Variants in PRC1 observed in about 807,000 individuals in gnomAD.
PRC1 encodes the protein anaphase spindle elongation 1 homolog.
In PRC1, 54 loss-of-function variants were observed where a neutral mutation model predicts 91.2. The observed-to-expected ratio is 0.59, with a 90% CI of 0.48 to 0.74. The LOEUF (loss-of-function observed/expected upper bound fraction) is 0.74, where lower values mean the gene tolerates loss of function less well. Ranked by LOEUF, PRC1 falls within the 30% of genes least tolerant of loss-of-function variation. The pLI, the probability that PRC1 is intolerant of heterozygous loss-of-function variation, is 0.00. For synonymous variants in PRC1, 275 were observed against 263.6 expected, an observed-to-expected ratio of 1.04 and a Z score of -0.42; for missense variants, 727 against 746.2, an observed-to-expected ratio of 0.97 and a Z score of 0.30.
At chr15:90,986,205 C>T (rs959155452) in intron 1 of PRC1, among the ~76,000 whole-genome samples, 13 of 152,156 alleles carry the variant, frequency 8.5e-5, no homozygotes, top group South Asian at 4.1e-4. Context: ...TGAACACATA[C>T]GTTCACCAAA....
chr15:90,983,120 A>C (rs1178519284), intron 3 of PRC1, among the ~76,000 whole-genome samples: 1 of 152,194 alleles, frequency 6.6e-6, no homozygotes, highest in African/African-American at 2.4e-5. Context: ...AAAATCAATT[A>C]TATTTATGAC....
chr15:90,986,636 A>G (rs2039593988), intron 1 of PRC1, among the ~76,000 whole-genome samples: 1 of 152,208 alleles, frequency 6.6e-6, no homozygotes, highest in Admixed American at 6.5e-5. Context: ...AAACTGTCAA[A>G]AAAGAAAATG....
chr15:90,994,341 C>G, intron 1 of PRC1, 66 bp downstream of exon 1: 1 of 1,611,090 alleles, frequency 6.2e-7, no homozygotes, highest in Non-Finnish European at 8.5e-7. Flanking sequence ...CACCCCTGAA[C>G]AGGCCCCGCA....
At chr15:90,968,775 C>G (rs2037775789) in intron 14 of PRC1, 1 of 1,199,800 alleles carries the variant, frequency 8.3e-7, no homozygotes, top group South Asian at 1.9e-5. Context: ...GGCCTCTATT[C>G]TTTCCAGCTA....
At chr15:90,987,788 CCT>C (rs901817497) in intron 1 of PRC1, 14 of 152,170 alleles carry the variant, frequency 9.2e-5, no homozygotes, top group African/African-American at 2.9e-4. Context: ...TTCATTAGCC[CCT>C]TTCTGTCTCA....
chr15:90,968,707 G>A, intron 14 of PRC1: 1 of 1,099,990 alleles, frequency 9.1e-7, no homozygotes, highest in Non-Finnish European at 1.1e-6. Flanking sequence ...CAGCACACAG[G>A]CCAAGAGCCT....
chr15:90,985,966 G>A (rs1443363531), intron 1 of PRC1: 1 of 152,208 alleles, frequency 6.6e-6, no homozygotes, highest in Non-Finnish European at 1.5e-5. Context: ...GGGATTACAG[G>A]CGTGAGCTAC....
At chr15:90,967,668 C>T (rs1328489926) in intron 14 of PRC1, 4 of 292,168 alleles carry the variant, frequency 1.4e-5, no homozygotes, top group Non-Finnish European at 2.1e-5. Flanking sequence ...CTACAGTATT[C>T]TTTCTGTAAC....
chr15:90,979,233 G>C lies in PRC1; in HGVS notation c.1032C>G (p.Tyr344Ter). The change falls in exon 8 of 15, where the codon TAC becomes TAG. Residue 344 changes from tyrosine to a stop codon, truncating the protein, a stop_gained. Transcript: ENST00000394249. LOFTEE classifies it high-confidence loss of function. ...CAAAGAGTTCCTTGTGAACTTCATA[G>C]TAGTTTTTTAACCGCACAATCTCAG... Reference protein sequence around the residue: ...HDAEIVRLKNYYEVHKELFEG... With the variant: ...HDAEIVRLKN The C allele has an allele frequency of 6.2e-7, 1 of 1,614,210 alleles. No homozygotes were observed. The highest frequency in any genetic ancestry group is 8.5e-7 in the Non-Finnish European group (1 of 1,180,026).
chr15:90,969,358 T>TA, intron 13 of PRC1, 89 bp downstream of exon 13: 1 of 1,467,546 alleles, frequency 6.8e-7, no homozygotes, highest in Non-Finnish European at 9.3e-7. Context: ...CTGCCCTAGC[T>TA]AATAGCCTGG....
chr15:90,981,524 G>C lies in PRC1; in HGVS notation c.647C>G (p.Ala216Gly), dbSNP rs777308869. The C allele has an allele frequency of 2.5e-6, 4 of 1,613,746 alleles. No individual in the cohort carries two copies. The highest frequency in any genetic ancestry group is 3.3e-4 in the Middle Eastern group (2 of 6,082). ...DAFCLSLENI[A>G]TLQKLLRQLE... ...CTGCCGTAGCAACTTTTGTAGTGTTGCAATATTCTCCAAAGACAAACAAAA... is the reference window on the plus strand; with the variant it reads ...CTGCCGTAGCAACTTTTGTAGTGTTCCAATATTCTCCAAAGACAAACAAAA... Residue 216 changes from alanine to glycine, a missense_variant, in exon 5 of 15, where the codon GCA (alanine) becomes GGA (glycine). By Grantham distance (60) the Ala-to-Gly change is moderately conservative (BLOSUM62 0). Coordinates refer to ENST00000394249, the MANE Select transcript of PRC1 (RefSeq NM_003981.4).
At position 90,981,740 on chromosome 15, in the gene PRC1, C is replaced by T; in HGVS notation, c.501+8G>A. 1 of 1,609,640 alleles carries T rather than the reference C, an allele frequency of 6.2e-7. No individual in the cohort carries two copies. The highest frequency in any genetic ancestry group is 8.5e-7 in the Non-Finnish European group (1 of 1,176,740). On this transcript the variant is annotated splice_region_variant and intron_variant, in intron 4 of 14. Coordinates refer to ENST00000394249, the MANE Select transcript of PRC1 (RefSeq NM_003981.4). Reference sequence around the variant, plus strand: ...GACTTTTAGGAAGAACAAATGTAGGCAGTGTACCTTTGTTTCCCTCAAAGT... The same window carrying T: ...GACTTTTAGGAAGAACAAATGTAGGTAGTGTACCTTTGTTTCCCTCAAAGT...
intron 1 of PRC1, among the ~76,000 whole-genome samples, chr15:90,993,066 G>A (rs1270057981): frequency 4.2e-5 from 2 of 47,112 alleles, no homozygotes; most frequent in Non-Finnish European, 6.6e-5. Context: ...GTGAGACCCC[G>A]TCTCAAAAAA....
intron 14 of PRC1, chr15:90,968,837 G>C: frequency 7.6e-7 from 1 of 1,315,432 alleles, no homozygotes; most frequent in Admixed American, 3.2e-5. Flanking sequence ...TCTGTTAAAC[G>C]TGATTTAAAA....
intron 11 of PRC1, among the ~76,000 whole-genome samples, chr15:90,972,225 AC>A (rs60904062): frequency 1.3e-5 from 2 of 148,804 alleles, no homozygotes; most frequent in African/African-American, 2.5e-5. Flanking sequence ...AAAAAAAAAA[AC>A]CCCAAAATTA....
intron 8 of PRC1, among the ~76,000 whole-genome samples, chr15:90,978,088 C>A (rs942642015): frequency 6.6e-6 from 1 of 152,172 alleles, no homozygotes. Flanking sequence ...AGCATGAACC[C>A]GAGAACAAGG....
chr15:90,981,548 A>ATTT lies in PRC1; in HGVS notation c.622_623insAAA (p.Phe208delinsTer). 6.2e-7 allele frequency: 1 copy of ATTT among 1,614,026 alleles called. No individual in the cohort carries two copies. The highest frequency in any genetic ancestry group is 8.5e-7 in the Non-Finnish European group (1 of 1,180,026). On this transcript the variant is annotated stop_gained, in exon 5 of 15. Transcript: ENST00000394249. LOFTEE classifies it high-confidence loss of function. The stretch of plus-strand genomic sequence containing the variant: ...TGCAATATTCTCCAAAGACAAACAA[A>ATTT]AGGCATCTTCGTCTTCACACACCAC...
rs758784185 is a variant in PRC1 at position 90,974,193 on chromosome 15, A to G, written c.1404T>C (p.Pro468=). 1 of 1,614,158 alleles carries G rather than the reference A, an allele frequency of 6.2e-7. No homozygotes were observed. The highest frequency in any genetic ancestry group is 1.7e-5 in the Admixed American group (1 of 60,026). Reference sequence around the variant, plus strand: ...GTCCTCGCCGCTTGCTAGGTGTTCGAGGAGCGCTGCCATACAGCATCTCTG... The same window carrying G: ...GTCCTCGCCGCTTGCTAGGTGTTCGGGGAGCGCTGCCATACAGCATCTCTG... ...TETEMLYGSA[P]RTPSKRRGLA... Residue 468 remains proline, a synonymous_variant, in exon 11 of 15, where the codon CCT becomes CCC. Transcript: ENST00000394249. This position sits in a 1 kb window ranked among gnomAD's most constrained non-coding sequence, Gnocchi z 4.6.
chr15:90,969,537 G>A lies in PRC1; in HGVS notation c.1659C>T (p.Gly553=), dbSNP rs1484828182. 6.2e-7 allele frequency: 1 copy of A among 1,613,764 alleles called. No individual in the cohort carries two copies. Among genetic ancestry groups the A allele is most frequent in the Non-Finnish European group, 8.5e-7 (1 of 1,179,744 alleles). ...GANKENLELN[G]SILSGGYPGS... is the part of the protein sequence containing the mutation. ...CAGGGTACCCACCACTCAGGATGCT[G>A]CCGTTGAGCTCCAGGTTCTCCTTGT... The change falls in exon 13 of 15, where the codon GGC becomes GGT. Residue 553 remains glycine, a synonymous_variant. Coordinates refer to ENST00000394249, the MANE Select transcript of PRC1 (RefSeq NM_003981.4).
Sources: gnomAD v4.1 joint callset for allele counts (sites outside exome capture counted in the v4.1 genomes callset) on GRCh38, gnomAD v4.1.1 for gene constraint, Gnocchi (gnomAD v3.1) non-coding constraint, MANE v1.5 for transcripts, NCBI Gene and HGNC (gene_info 2026-07-23, HGNC 2026-07-21) for gene names.